Variants in ITGA1 observed in about 807,000 individuals in gnomAD.
ITGA1 encodes the protein integrin subunit alpha 1.
Under a neutral mutation model 145.9 loss-of-function variants are expected in ITGA1, and 85 were observed. The ratio of observed to expected loss-of-function variants is 0.58; its 90% CI spans 0.49 to 0.70. The LOEUF (loss-of-function observed/expected upper bound fraction) is 0.70. ITGA1 is among the 30% of genes least tolerant of loss of function. The probability of loss-of-function intolerance (pLI) is 0.00; values close to 1 mark genes in which losing one functional copy is unlikely to be tolerated. For synonymous variants in ITGA1, 520 were observed against 495.3 expected, an observed-to-expected ratio of 1.05 and a Z score of -0.66; for missense variants, 1,351 against 1,418.7, an observed-to-expected ratio of 0.95 and a Z score of 0.77.
At chr5:52,899,096 C>A (rs2111831837) in intron 11 of ITGA1, among the ~76,000 whole-genome samples, 1 of 152,276 alleles carries the variant, frequency 6.6e-6, no homozygotes, top group East Asian at 1.9e-4. Flanking sequence ...TATGGCTTCC[C>A]AGCTCTTACT....
intron 22 of ITGA1, 26 bp from the exon 23 acceptor site, chr5:52,933,868 A>C: frequency 1.7e-6 from 2 of 1,182,644 alleles, no homozygotes; most frequent in Non-Finnish European, 2.4e-6. Flanking sequence ...GTTATGTTTT[A>C]TTTTTCTTCT....
chr5:52,952,352 T>G, intron 28 of ITGA1, 55 bp from the exon 29 acceptor site: 1 of 944,520 alleles, frequency 1.1e-6, no homozygotes, highest in South Asian at 1.7e-5. Context: ...AGGATTAATA[T>G]TTGCTACCTA....
chr5:52,951,765 T>C (rs1751224606), intron 28 of ITGA1, among the ~76,000 whole-genome samples: 1 of 152,138 alleles, frequency 6.6e-6, no homozygotes, highest in Non-Finnish European at 1.5e-5. Flanking sequence ...AAAAAGATGA[T>C]GGCAAAGAAG....
chr5:52,930,690 C>G (rs1750882246), intron 21 of ITGA1, among the ~76,000 whole-genome samples: 1 of 152,032 alleles, frequency 6.6e-6, no homozygotes, highest in African/African-American at 2.4e-5. Flanking sequence ...ACAGAGAGGT[C>G]ACTGAATAGC....
intron 1 of ITGA1, among the ~76,000 whole-genome samples, chr5:52,815,413 T>C (rs1031317428): frequency 6.6e-6 from 1 of 152,210 alleles, no homozygotes; most frequent in African/African-American, 2.4e-5. Context: ...ACTTGCTGTT[T>C]ATCTGAAATT....
At chr5:52,932,654 C>T (rs952355879) in intron 22 of ITGA1, 1 of 152,164 alleles carries the variant, frequency 6.6e-6, no homozygotes, top group Admixed American at 6.6e-5. Context: ...ACCATGTTGA[C>T]AAACTTTCCC....
At chr5:52,932,015 T>C (rs375246300) in intron 21 of ITGA1, 32 bp from the exon 22 acceptor site, 31 of 1,267,720 alleles carry the variant, frequency 2.4e-5, no homozygotes, top group Non-Finnish European at 3.6e-5. Flanking sequence ...AAGATTTTAA[T>C]GGTTTGTCTG....
chr5:52,925,730 G>A (rs1282122585), intron 19 of ITGA1, among the ~76,000 whole-genome samples: 1 of 152,158 alleles, frequency 6.6e-6, no homozygotes, highest in Non-Finnish European at 1.5e-5. Context: ...TATAAAAACT[G>A]TGTGTTTCAT....
chr5:52,798,299 A>C lies in ITGA1; in HGVS notation c.61+9885A>C, dbSNP rs150179285. Among the ~76,000 whole-genome samples the C allele has an allele frequency of 2.0e-4, 30 of 152,266 alleles. No individual in the cohort carries two copies. In the East Asian group the frequency reaches 3.7e-3, roughly 19 times the overall value. On this transcript the variant is annotated intron_variant, in intron 1 of 28. Coordinates refer to ENST00000282588, the MANE Select transcript of ITGA1 (RefSeq NM_181501.2). ...GGAGGAAGTAAGGGGAGACATAGAGAGCGAGAAACAAAGAGAAAAGAGGCC... is the reference window on the plus strand; with the variant it reads ...GGAGGAAGTAAGGGGAGACATAGAGCGCGAGAAACAAAGAGAAAAGAGGCC...
intron 14 of ITGA1, among the ~76,000 whole-genome samples, chr5:52,910,756 AGATT>A: frequency 6.8e-6 from 1 of 146,056 alleles, no homozygotes; most frequent in Non-Finnish European, 1.5e-5. Flanking sequence ...TGTTCCTTAT[AGATT>A]AATTACTATA....
intron 27 of ITGA1, among the ~76,000 whole-genome samples, chr5:52,946,801 T>C (rs1000839892): frequency 2.0e-5 from 3 of 152,138 alleles, no homozygotes; most frequent in South Asian, 2.1e-4. Flanking sequence ...AGAAGAAACA[T>C]TGTGGTATAA....
At chr5:52,833,913 G>A (rs1693766732) in intron 1 of ITGA1, among the ~76,000 whole-genome samples, 1 of 152,128 alleles carries the variant, frequency 6.6e-6, no homozygotes, top group African/African-American at 2.4e-5. Context: ...AAACTTACAT[G>A]AGATAATAAT....
chr5:52,835,597 G>T (rs1318942517), intron 1 of ITGA1, among the ~76,000 whole-genome samples: 1 of 152,136 alleles, frequency 6.6e-6, no homozygotes, highest in South Asian at 2.1e-4. Context: ...ATTTTAATGG[G>T]TCTAAAATGG....
Position 52,947,411 on chromosome 5 carries a change from G to A in ITGA1, c.3445G>A (p.Ala1149Thr). The change falls in exon 28 of 29, where the codon GCT becomes ACT. Residue 1149 changes from alanine to threonine, a missense_variant. Transcript: ENST00000282588. ...GCCATTATGGGTCATCCTGCTGAGT[G>A]CTTTTGCCGGATTGTTGCTGTTAAT... ...RVPLWVILLS[A>T]FAGLLLLMLL... is the part of the protein sequence containing the mutation. The A allele has an allele frequency of 6.2e-7, 1 of 1,613,768 alleles. No individual in the cohort carries two copies. Among genetic ancestry groups the A allele is most frequent in the Non-Finnish European group, 8.5e-7 (1 of 1,179,706 alleles).
intron 1 of ITGA1, among the ~76,000 whole-genome samples, chr5:52,819,826 A>C (rs537942359): frequency 6.6e-6 from 1 of 151,950 alleles, no homozygotes; most frequent in Non-Finnish European, 1.5e-5. Context: ...ATTTTTGTAT[A>C]AGGTGTAAGG....
chr5:52,810,629 A>G (rs1332594575), intron 1 of ITGA1, among the ~76,000 whole-genome samples: 1 of 152,210 alleles, frequency 6.6e-6, no homozygotes, highest in Non-Finnish European at 1.5e-5. Context: ...GGAATGTGGG[A>G]AAGTGCGAAG....
intron 14 of ITGA1, among the ~76,000 whole-genome samples, chr5:52,911,024 G>GTGTATATATATATATATATATATATATA (rs1750509484): frequency 7.5e-6 from 1 of 132,540 alleles, no homozygotes; most frequent in African/African-American, 2.8e-5. Flanking sequence ...ACTATATATA[G>GTGTATATATATATATATATATATATATA]TATGTATACT....
chr5:52,921,362 G>A (rs1378515202), intron 17 of ITGA1, among the ~76,000 whole-genome samples: 1 of 152,080 alleles, frequency 6.6e-6, no homozygotes, highest in Non-Finnish European at 1.5e-5. Flanking sequence ...AGGGGCAGGG[G>A]AGTGACAGAA....
rs551817056 is a variant in ITGA1, at chr5:52,892,194, C to T, written c.925-1481C>T. On this transcript the variant is annotated intron_variant, in intron 8 of 28. Coordinates refer to ENST00000282588, the MANE Select transcript of ITGA1 (RefSeq NM_181501.2). ...AAAAGATTTGAACAGACACTAACTA[C>T]ACCGAGGAAGAAATACTATAGCAAA... Among the ~76,000 whole-genome samples, 105 of 152,238 alleles carry T rather than the reference C, an allele frequency of 6.9e-4. No homozygotes were observed. In the Middle Eastern group the frequency reaches 0.01, roughly 15 times the overall value.
Sources: allele counts gnomAD v4.1 joint callset (sites outside exome capture counted in the v4.1 genomes callset), GRCh38; gene constraint gnomAD v4.1.1; transcripts MANE v1.5; gene names NCBI Gene and HGNC (gene_info 2026-07-23, HGNC 2026-07-21).